AUTS2: variants seen among roughly 807,000 people sequenced by gnomAD.
The protein encoded by AUTS2 is activator of transcription and developmental regulator AUTS2, also known as autism susceptibility gene 2 protein.
A neutral mutation model predicts 112.4 loss-of-function variants in AUTS2; 17 were observed. The ratio of observed to expected loss-of-function variants is 0.15; its 90% CI spans 0.10 to 0.23. AUTS2 has a LOEUF of 0.23. AUTS2 is among the 10% of genes least tolerant of loss of function. The probability of loss-of-function intolerance (pLI) is 1.00; values close to 1 mark genes in which losing one functional copy is unlikely to be tolerated. For missense variants in AUTS2, 1,510 were observed against 1,701.6 expected (o/e 0.89, Z 1.98); for synonymous variants, 751 against 702.7 (o/e 1.07, Z -1.09).
chr7:69,754,152 G>A (rs1458605921), intron 1 of AUTS2, among the ~76,000 whole-genome samples: 1 of 152,140 alleles, frequency 6.6e-6, no homozygotes, highest in African/African-American at 2.4e-5. Flanking sequence ...GGTTAAAGAA[G>A]GTCGGGTTAC....
rs149992072 is a variant in AUTS2 at position 70,363,255 on chromosome 7, T to C, written c.661-72497T>C. ...TTATCTGGTTTCTCATCTGAGTGTT[T>C]ATTAGATGACTATTGGATTTCCTTA... On this transcript the variant is annotated intron_variant, in intron 4 of 18. Transcript: ENST00000342771. Among the ~76,000 whole-genome samples, 606 of 152,320 alleles carry C rather than the reference T, an allele frequency of 4.0e-3. 5 individuals carry two copies. The highest frequency in any genetic ancestry group is 0.014 in the African/African-American group (572 of 41,560).
At position 70,790,033 on chromosome 7, in the gene AUTS2, G is replaced by A. The variant is rs1791792532; in HGVS notation, c.2817G>A (p.Val939=). 1 of 1,585,488 alleles carries A rather than the reference G, an allele frequency of 6.3e-7. No individual in the cohort carries two copies. ...AGEEAKQLAR[V]PSPYVRTPVV... ...AAGAGGCCAAGCAGCTGGCCCGGGT[G>A]CCGTCTCCCTACGTGCGGACCCCGG... The change falls in exon 19 of 19, where the codon GTG becomes GTA. Residue 939 remains valine (V), a synonymous_variant. Coordinates refer to ENST00000342771, the MANE Select transcript of AUTS2 (RefSeq NM_015570.4). This position sits in a 1 kb window ranked among gnomAD's most constrained non-coding sequence, Gnocchi z 7.6.
In AUTS2 at chr7:69,933,489, GT is replaced by G. The variant is rs1440946948; in HGVS notation, c.522+33993del. 3.3e-5 allele frequency among the ~76,000 whole-genome samples: 5 copies of G among 152,270 alleles called. No individual in the cohort carries two copies. The East Asian group carries it at 9.6e-4, about 29-fold the overall frequency. On this transcript the variant is annotated intron_variant, in intron 2 of 18. Coordinates refer to ENST00000342771, the MANE Select transcript of AUTS2 (RefSeq NM_015570.4). ...TTTTCAGGACTTCGGCTCCCTGTGA[GT>G]TGTTAATGTATAGTGTTTATGAATC...
intron 1 of AUTS2, among the ~76,000 whole-genome samples, chr7:69,676,796 T>C (rs567343986): frequency 1.4e-5 from 2 of 148,060 alleles, no homozygotes; most frequent in East Asian, 4.0e-4. Context: ...TATTTATTCC[T>C]GAAACTCTGG....
At chr7:70,406,577 C>G (rs1173945246) in intron 4 of AUTS2, among the ~76,000 whole-genome samples, 2 of 152,298 alleles carry the variant, frequency 1.3e-5, no homozygotes, top group African/African-American at 4.8e-5. Context: ...TTTAGTCTCC[C>G]CCATCATCTC....
intron 4 of AUTS2, among the ~76,000 whole-genome samples, chr7:70,236,521 G>A (rs1469278740): frequency 1.3e-5 from 2 of 152,096 alleles, no homozygotes; most frequent in Admixed American, 6.6e-5. Flanking sequence ...CTCTTATAAT[G>A]TTCATGGTCT....
chr7:70,102,244 G>A (rs1365262994), intron 2 of AUTS2, among the ~76,000 whole-genome samples: 8 of 149,366 alleles, frequency 5.4e-5, no homozygotes, highest in African/African-American at 7.4e-5. Context: ...TCAGCCTCCC[G>A]AGTAGCTGGG....
At chr7:69,951,284 G>C (rs1293255568) in intron 2 of AUTS2, among the ~76,000 whole-genome samples, 1 of 151,936 alleles carries the variant, frequency 6.6e-6, no homozygotes, top group East Asian at 1.9e-4. Flanking sequence ...GTCCACTCTT[G>C]AGTCTTCAGG....
At chr7:70,665,317 G>A (rs1484448625) in intron 5 of AUTS2, among the ~76,000 whole-genome samples, 2 of 152,104 alleles carry the variant, frequency 1.3e-5, no homozygotes, top group African/African-American at 2.4e-5. Flanking sequence ...AGGTTGGAGT[G>A]CAGTGGTGTG....
chr7:70,146,809 T>G (rs1807148583), intron 4 of AUTS2, among the ~76,000 whole-genome samples: 1 of 152,174 alleles, frequency 6.6e-6, no homozygotes, highest in South Asian at 2.1e-4. Context: ...TGCTCTATAC[T>G]TATCTATGTA....
intron 1 of AUTS2, among the ~76,000 whole-genome samples, chr7:69,882,606 A>G (rs1794104000): frequency 6.6e-6 from 1 of 152,176 alleles, no homozygotes; most frequent in Non-Finnish European, 1.5e-5. Flanking sequence ...AATAAAAATA[A>G]TTAATTTGGA....
At chr7:70,680,139 A>G (rs900240514) in intron 5 of AUTS2, among the ~76,000 whole-genome samples, 2 of 152,226 alleles carry the variant, frequency 1.3e-5, no homozygotes, top group African/African-American at 2.4e-5. Flanking sequence ...CAGAAGAGGT[A>G]CATACATTGA....
In AUTS2 at chr7:69,763,931, T is replaced by C. The variant is rs1040182324; in HGVS notation, c.310-135355T>C. Among the ~76,000 whole-genome samples the C allele has an allele frequency of 1.8e-4, 28 of 152,200 alleles. 1 individual carries two copies. The highest frequency in any genetic ancestry group is 1.6e-3 in the Admixed American group (25 of 15,286). On this transcript the variant is annotated intron_variant, in intron 1 of 18. Transcript: ENST00000342771. Reference sequence around the variant, plus strand: ...AACATGATAACTTTGACTTGGTAGGTACCTAGTGAGCATCTTGGATTGAGC... The same window carrying C: ...AACATGATAACTTTGACTTGGTAGGCACCTAGTGAGCATCTTGGATTGAGC...
intron 4 of AUTS2, among the ~76,000 whole-genome samples, chr7:70,244,207 C>T (rs1812782495): frequency 6.6e-6 from 1 of 152,070 alleles, no homozygotes; most frequent in South Asian, 2.1e-4. Flanking sequence ...TATTTCCTCA[C>T]ACACTAGTGA....
At chr7:70,680,782 T>C (rs1206647682) in intron 5 of AUTS2, among the ~76,000 whole-genome samples, 1 of 152,192 alleles carries the variant, frequency 6.6e-6, no homozygotes, top group African/African-American at 2.4e-5. Context: ...CCAACAACTG[T>C]ATTTTTACCA....
chr7:70,621,051 G>T (rs536247436), intron 5 of AUTS2, among the ~76,000 whole-genome samples: 11 of 152,244 alleles, frequency 7.2e-5, no homozygotes, highest in Non-Finnish European at 1.5e-4. Flanking sequence ...TAGGGAAAGA[G>T]CCAGGAGAAT....
chr7:69,866,240 C>T (rs1185318544), intron 1 of AUTS2, among the ~76,000 whole-genome samples: 1 of 152,150 alleles, frequency 6.6e-6, no homozygotes, highest in African/African-American at 2.4e-5. Context: ...AATTCCAAAC[C>T]TCCCAGTCCT....
chr7:70,603,780 T>G (rs989302348), intron 5 of AUTS2, among the ~76,000 whole-genome samples: 5 of 152,214 alleles, frequency 3.3e-5, no homozygotes, highest in Admixed American at 1.3e-4. Flanking sequence ...TAATTTAAAT[T>G]GCAGCTTTCT....
At chr7:70,075,558 AAT>A (rs1802986753) in intron 2 of AUTS2, among the ~76,000 whole-genome samples, 1 of 152,222 alleles carries the variant, frequency 6.6e-6, no homozygotes, top group Non-Finnish European at 1.5e-5. Context: ...TTAATGTACA[AAT>A]AATAAAAGAG....
Sources: gnomAD v4.1 joint callset for allele counts (sites outside exome capture counted in the v4.1 genomes callset) on GRCh38, gnomAD v4.1.1 for gene constraint, Gnocchi (gnomAD v3.1) non-coding constraint, MANE v1.5 for transcripts, NCBI Gene and HGNC (gene_info 2026-07-23, HGNC 2026-07-21) for gene names.